LARP4: variants seen among roughly 807,000 people sequenced by gnomAD.
The protein encoded by LARP4 is La ribonucleoprotein 4, also known as la-related protein 4.
Under a neutral mutation model 92.9 loss-of-function variants are expected in LARP4, and 29 were observed. That is an observed-to-expected ratio of 0.31 (90% CI 0.23 to 0.43). The LOEUF (loss-of-function observed/expected upper bound fraction) is 0.43, where lower values mean the gene tolerates loss of function less well. Among genes scored for constraint, LARP4 ranks in the 20% least tolerant of loss-of-function variants. The pLI is 1.00. For synonymous variants in LARP4, 279 were observed against 284.1 expected, an observed-to-expected ratio of 0.98 and a Z score of 0.18; for missense variants, 732 against 860.0, an observed-to-expected ratio of 0.85 and a Z score of 1.86.
At chr12:50,459,192 A>G (rs1565704323) in intron 10 of LARP4, among the ~76,000 whole-genome samples, 1 of 151,850 alleles carries the variant, frequency 6.6e-6, no homozygotes, top group Non-Finnish European at 1.5e-5. Context: ...AGAGATGGGG[A>G]TTCACCATGT....
chr12:50,466,882 G>A, intron 12 of LARP4, 77 bp from the exon 13 acceptor site: 1 of 1,372,298 alleles, frequency 7.3e-7, no homozygotes. Context: ...TTCTTTTCTT[G>A]CACCTTTCAG....
chr12:50,419,404 C>G (rs1339644614), intron 1 of LARP4, among the ~76,000 whole-genome samples: 1 of 151,984 alleles, frequency 6.6e-6, no homozygotes, highest in African/African-American at 2.4e-5. Flanking sequence ...CAGAGAAAAG[C>G]ACACTGACAG....
chr12:50,454,407 CA>C lies in LARP4; in HGVS notation c.1118del (p.Asn373IlefsTer3), dbSNP rs1179425728. The C allele has an allele frequency of 3.7e-6, 6 of 1,607,496 alleles. No homozygotes were observed. Among genetic ancestry groups the C allele is most frequent in the African/African-American group, 1.3e-5 (1 of 74,652 alleles). ...AAAMNMGRPF[Q>X]KNRVKPQFRS... ...TGCTATGAATATGGGTCGACCATTC[CA>C]AAAAAATCGGTAAGATAAAAACCAT... On this transcript the variant is annotated frameshift_variant, in exon 10 of 16. Coordinates refer to ENST00000398473, the MANE Select transcript of LARP4 (RefSeq NM_052879.5). LOFTEE classifies it high-confidence loss of function.
At chr12:50,432,416 A>G (rs781393711) in intron 4 of LARP4, among the ~76,000 whole-genome samples, 18 of 152,140 alleles carry the variant, frequency 1.2e-4, no homozygotes, top group Non-Finnish European at 1.5e-5. Context: ...ATTTAGCTCT[A>G]TTCCTTCTAC....
At chr12:50,424,839 A>C (rs1278898805) in intron 1 of LARP4, among the ~76,000 whole-genome samples, 1 of 152,042 alleles carries the variant, frequency 6.6e-6, no homozygotes, top group African/African-American at 2.4e-5. Flanking sequence ...TTGTGTGTTT[A>C]GATAATGATT....
rs1008619113 is a variant in LARP4 at position 50,425,345 on chromosome 12, A to C, written c.19-2417A>C. Among the ~76,000 whole-genome samples the C allele has an allele frequency of 2.6e-5, 4 of 152,122 alleles. No homozygotes were observed. In the East Asian group the frequency reaches 7.7e-4, roughly 29 times the overall value. Reference sequence around the variant, plus strand: ...TGTATTTATTCGGATTTAATGTTTGATCTCTGTTTCTGAGAGCTGTACCTT... The same window carrying C: ...TGTATTTATTCGGATTTAATGTTTGCTCTCTGTTTCTGAGAGCTGTACCTT... On this transcript the variant is annotated intron_variant, in intron 1 of 15. Transcript: ENST00000398473.
chr12:50,407,029 TTTTG>T (rs1490386376), intron 1 of LARP4, among the ~76,000 whole-genome samples: 1 of 141,504 alleles, frequency 7.1e-6, no homozygotes, highest in Non-Finnish European at 1.5e-5. Context: ...TTAACAGTTT[TTTTG>T]TTTGTTTTTT....
intron 8 of LARP4, among the ~76,000 whole-genome samples, chr12:50,448,610 G>A (rs1031027766): frequency 6.6e-6 from 1 of 152,036 alleles, no homozygotes; most frequent in African/African-American, 2.4e-5. Flanking sequence ...TGCAACCTCT[G>A]CCCCACTGGG....
At chr12:50,426,983 C>T (rs1948894780) in intron 1 of LARP4, among the ~76,000 whole-genome samples, 1 of 151,948 alleles carries the variant, frequency 6.6e-6, no homozygotes, top group Non-Finnish European at 1.5e-5. Flanking sequence ...AGTGATCCGC[C>T]CGCCTTGGCC....
intron 13 of LARP4, 142 bp downstream of exon 13, chr12:50,467,262 G>GT (rs1392779071): frequency 2.5e-5 from 14 of 552,926 alleles, no homozygotes; most frequent in Non-Finnish European, 3.2e-5. Context: ...TACTTAGAGT[G>GT]TTTTTTTAAA....
intron 1 of LARP4, chr12:50,401,288 T>C: frequency 1.9e-6 from 1 of 532,290 alleles, no homozygotes; most frequent in Non-Finnish European, 3.4e-6. Context: ...GGCGGTGAGG[T>C]TCAGAGGAAG....
rs372751356 is a variant in LARP4, at chr12:50,419,261, G to T, written c.19-8501G>T. Among the ~76,000 whole-genome samples, 11 of 152,298 alleles carry T rather than the reference G, an allele frequency of 7.2e-5. No homozygotes were observed. The South Asian group carries it at 1.0e-3, about 14-fold the overall frequency. ...CACCTGTAATCCCAGGTACTTGGGA[G>T]GCTGAGAAGTTGGAGGATTGCTTCA... On this transcript the variant is annotated intron_variant, in intron 1 of 15. Transcript: ENST00000398473.
chr12:50,439,576 C>CT (rs144700619), intron 6 of LARP4, among the ~76,000 whole-genome samples: 9 of 151,778 alleles, frequency 5.9e-5, no homozygotes, highest in African/African-American at 2.2e-4. Context: ...CCAATTTTCA[C>CT]TTTTTTTTGG....
chr12:50,458,298 T>G (rs1954706790), intron 10 of LARP4, among the ~76,000 whole-genome samples: 1 of 152,048 alleles, frequency 6.6e-6, no homozygotes, highest in African/African-American at 2.4e-5. Flanking sequence ...TTTGTTTGTT[T>G]TTGTATTTTT....
chr12:50,419,737 C>A (rs1257008705), intron 1 of LARP4, among the ~76,000 whole-genome samples: 2 of 152,048 alleles, frequency 1.3e-5, no homozygotes, highest in African/African-American at 4.8e-5. Flanking sequence ...CACACCCCAT[C>A]TCTACAAAAA....
intron 1 of LARP4, among the ~76,000 whole-genome samples, chr12:50,425,800 C>T (rs1212243657): frequency 6.6e-6 from 1 of 152,004 alleles, no homozygotes; most frequent in East Asian, 1.9e-4. Flanking sequence ...GGGCCTGTCT[C>T]AGAATGGGAT....
At chr12:50,434,889 CA>C (rs943478690) in intron 4 of LARP4, among the ~76,000 whole-genome samples, 21 of 150,926 alleles carry the variant, frequency 1.4e-4, no homozygotes, top group African/African-American at 3.6e-4. Context: ...CTAAAAAATA[CA>C]AAAAAAAATT....
At chr12:50,443,890 G>A (rs1464678713) in intron 8 of LARP4, among the ~76,000 whole-genome samples, 1 of 152,206 alleles carries the variant, frequency 6.6e-6, no homozygotes, top group Non-Finnish European at 1.5e-5. Flanking sequence ...TGGGATTACA[G>A]GTGTGAGCCA....
chr12:50,435,424 A>G (rs1950262890), intron 4 of LARP4, 64 bp from the exon 5 acceptor site: 5 of 966,874 alleles, frequency 5.2e-6, no homozygotes, highest in Non-Finnish European at 6.5e-6. Context: ...AAAGTGAGTA[A>G]GATACCTCTT....
Sources: allele counts gnomAD v4.1 joint callset (sites outside exome capture counted in the v4.1 genomes callset), GRCh38; gene constraint gnomAD v4.1.1; transcripts MANE v1.5; gene names NCBI Gene and HGNC (gene_info 2026-07-23, HGNC 2026-07-21).